CDH23: variants seen among roughly 807,000 people sequenced by gnomAD.
The protein encoded by CDH23 is cadherin related 23, also known as cadherin-23.
A neutral mutation model predicts 317.1 loss-of-function variants in CDH23; 189 were observed. The ratio of observed to expected loss-of-function variants is 0.60; its 90% confidence interval spans 0.53 to 0.67. The LOEUF (loss-of-function observed/expected upper bound fraction) is 0.67, where lower values mean the gene tolerates loss of function less well. Among genes scored for constraint, CDH23 ranks in the 30% least tolerant of loss-of-function variants. The probability of loss-of-function intolerance (pLI) is 0.00; values close to 1 mark genes in which losing one functional copy is unlikely to be tolerated. For synonymous variants in CDH23, 1,839 were observed against 1,876.8 expected (o/e 0.98, Z 0.52); for missense variants, 4,401 against 4,592.4 (o/e 0.96, Z 1.20).
rs528956605 is a variant in CDH23, at chr10:71,500,355, G to A, written c.146-9727G>A. On this transcript the variant is annotated intron_variant, in intron 3 of 69. Coordinates refer to ENST00000224721, the MANE Select transcript of CDH23 (RefSeq NM_022124.6). ...CAGAGCCTCTGGGTTTGTGTCGTCC[G>A]GCTCTGTTTAGTGCCTCCTTCTTCC... Among the ~76,000 whole-genome samples the A allele has an allele frequency of 4.2e-4, 64 of 152,252 alleles. 2 individuals carry two copies. In the South Asian group the frequency reaches 0.011, roughly 27 times the overall value.
At chr10:71,580,388 G>A (rs77577091) in intron 9 of CDH23, among the ~76,000 whole-genome samples, 2,006 of 152,288 alleles carry the variant, frequency 0.013, 43 homozygotes, top group African/African-American at 0.046. Flanking sequence ...GTGTGGAGGC[G>A]AGGGCAGGAG....
In CDH23 at chr10:71,599,990, CT is replaced by C. The variant is rs1174206523; in HGVS notation, c.833-15488del. On this transcript the variant is annotated intron_variant, in intron 9 of 69. Transcript: ENST00000224721. ...CCCATTTACACCTTCAATGTCTTTC[CT>C]TTTTTTTTTTTTTTTTTTTTTTTTT... 4.1e-3 allele frequency among the ~76,000 whole-genome samples: 446 copies of C among 109,544 alleles called. 1 individual carries two copies. The highest frequency in any genetic ancestry group is 0.013 in the African/African-American group (348 of 26,712). 71.9% of individuals were successfully genotyped at this position (109,544 alleles called of 152,430 possible).
chr10:71,592,088 C>T (rs7902068), intron 9 of CDH23, among the ~76,000 whole-genome samples: 2 of 151,850 alleles, frequency 1.3e-5, no homozygotes, highest in Admixed American at 1.3e-4. Context: ...GGGAAAGATG[C>T]AAGATGATTT....
At chr10:71,584,598 C>T (rs1858912687) in intron 9 of CDH23, among the ~76,000 whole-genome samples, 1 of 131,410 alleles carries the variant, frequency 7.6e-6, no homozygotes, top group South Asian at 2.6e-4. Context: ...TAATCAGATA[C>T]AGTCAGACTT....
At position 71,403,326 on chromosome 10, in the gene CDH23, C is replaced by CTTTCTTTCTTT. The variant is rs1847877800; in HGVS notation, c.-6+6008_-6+6009insTTTCTTTCTTT. Among the ~76,000 whole-genome samples the CTTTCTTTCTTT allele has an allele frequency of 1.6e-4, 10 of 60,742 alleles. 1 individual carries two copies. The highest frequency in any genetic ancestry group is 1.8e-4 in the African/African-American group (2 of 11,042). The allele number at this position is 60,742 out of a possible 152,430, so 39.8% of individuals were successfully genotyped here. A position where few individuals can be genotyped will look rare whatever the true frequency, so the allele number is the denominator to read the frequency against. On this transcript the variant is annotated intron_variant, in intron 1 of 69. Transcript: ENST00000224721. ...TTCTCTTTCTCTTTCTTCCTTCCTT[C>CTTTCTTTCTTT]CTTTCTTTCTTTCTTTCTTTCTTTC...
At chr10:71,637,988 C>T (rs1200780129) in intron 11 of CDH23, among the ~76,000 whole-genome samples, 2 of 152,102 alleles carry the variant, frequency 1.3e-5, no homozygotes, top group East Asian at 1.9e-4. Flanking sequence ...GGTTGGTTGA[C>T]GGTCCCCTAG....
chr10:71,576,870 A>G (rs894721226), intron 8 of CDH23, among the ~76,000 whole-genome samples: 13 of 152,124 alleles, frequency 8.5e-5, no homozygotes, highest in African/African-American at 2.4e-4. Context: ...TTGTTTATTC[A>G]GTCAATCAAT....
intron 14 of CDH23, among the ~76,000 whole-genome samples, chr10:71,674,661 G>A (rs928644219): frequency 3.3e-5 from 5 of 152,332 alleles, no homozygotes; most frequent in African/African-American, 1.2e-4. Flanking sequence ...TACAGATGGG[G>A]AAACTGAGGC....
intron 11 of CDH23, among the ~76,000 whole-genome samples, chr10:71,641,696 C>T (rs762186305): frequency 9.2e-5 from 14 of 152,162 alleles, no homozygotes; most frequent in Non-Finnish European, 1.5e-4. Context: ...TTCTGAGACA[C>T]GCTAAGGATC....
chr10:71,646,362 G>A, intron 13 of CDH23, 97 bp from the exon 14 acceptor site: 2 of 1,552,484 alleles, frequency 1.3e-6, no homozygotes, highest in Non-Finnish European at 1.7e-6. Flanking sequence ...GGTGCTCTGG[G>A]CTGGGGCCGG....
rs143195917 is a variant in CDH23 at position 71,494,260 on chromosome 10, A to G, written c.146-15822A>G. Among the ~76,000 whole-genome samples, 209 of 152,278 alleles carry G rather than the reference A, an allele frequency of 1.4e-3. 2 individuals carry two copies. The East Asian group carries it at 0.019, about 14-fold the overall frequency. ...CTGTAATGAGCTTGAAATTTAGTGCATGTATTTTGTGCCATGGCTTTTACC... is the reference window on the plus strand; with the variant it reads ...CTGTAATGAGCTTGAAATTTAGTGCGTGTATTTTGTGCCATGGCTTTTACC... On this transcript the variant is annotated intron_variant, in intron 3 of 69. Coordinates refer to ENST00000224721, the MANE Select transcript of CDH23 (RefSeq NM_022124.6).
chr10:71,546,638 G>A (rs1428675536), intron 6 of CDH23, among the ~76,000 whole-genome samples: 1 of 152,198 alleles, frequency 6.6e-6, no homozygotes, highest in Non-Finnish European at 1.5e-5. Context: ...TATAGTAGGT[G>A]CACGGTCATT....
chr10:71,802,079 G>T (rs1028739099), intron 53 of CDH23, among the ~76,000 whole-genome samples: 2 of 152,142 alleles, frequency 1.3e-5, no homozygotes, highest in Admixed American at 1.3e-4. Context: ...AGGCCGAGGC[G>T]GGGGGATCAC....
intron 11 of CDH23, among the ~76,000 whole-genome samples, chr10:71,640,825 C>G (rs1862509347): frequency 6.6e-6 from 1 of 152,210 alleles, no homozygotes; most frequent in African/African-American, 2.4e-5. Context: ...CTCAGAAGAT[C>G]TGGGCGTGGC....
At chr10:71,813,443 G>A (rs1589440690) in intron 69 of CDH23, 95 bp downstream of exon 69, 3 of 1,101,528 alleles carry the variant, frequency 2.7e-6, no homozygotes, top group East Asian at 5.2e-5. Flanking sequence ...TATGTCTCTG[G>A]AGCTCTGCAG....
intron 45 of CDH23, among the ~76,000 whole-genome samples, chr10:71,789,350 T>G (rs925753041): frequency 2.6e-5 from 4 of 151,804 alleles, no homozygotes; most frequent in Non-Finnish European, 5.9e-5. Context: ...CGGAGGGGAG[T>G]GGGTCCACCC....
chr10:71,520,419 G>A (rs1397495355), intron 6 of CDH23, among the ~76,000 whole-genome samples: 1 of 152,216 alleles, frequency 6.6e-6, no homozygotes, highest in Non-Finnish European at 1.5e-5. Flanking sequence ...ACACTCTGTG[G>A]GCGAGCAACA....
At chr10:71,612,934 C>T (rs909419835) in intron 9 of CDH23, among the ~76,000 whole-genome samples, 3 of 151,730 alleles carry the variant, frequency 2.0e-5, no homozygotes, top group Non-Finnish European at 2.9e-5. Flanking sequence ...CTGCAACCTC[C>T]GCCTCCCAGC....
intron 6 of CDH23, among the ~76,000 whole-genome samples, chr10:71,557,152 G>C (rs957811113): frequency 8.5e-5 from 13 of 152,174 alleles, no homozygotes. Context: ...AGTGTACACA[G>C]TATTATGATT....
Sources: allele counts gnomAD v4.1 joint callset (sites outside exome capture counted in the v4.1 genomes callset), GRCh38; gene constraint gnomAD v4.1.1; transcripts MANE v1.5; gene names NCBI Gene and HGNC (gene_info 2026-07-23, HGNC 2026-07-21).